Variants in MGAT5 observed in about 807,000 individuals in gnomAD.
MGAT5 encodes alpha-1,6-mannosylglycoprotein 6-beta-N-acetylglucosaminyltransferase, also known as alpha-1,6-mannosylglycoprotein 6-beta-N-acetylglucosaminyltransferase A.
Under a neutral mutation model 94.3 loss-of-function variants are expected in MGAT5, and 30 were observed. That is an observed-to-expected ratio of 0.32 (90% CI 0.24 to 0.43). The LOEUF is 0.43. Ranked by LOEUF, MGAT5 falls within the 20% of genes least tolerant of loss-of-function variation. The probability of loss-of-function intolerance (pLI) is 1.00; values close to 1 mark genes in which losing one functional copy is unlikely to be tolerated. For synonymous variants in MGAT5, 310 were observed against 322.9 expected, an observed-to-expected ratio of 0.96 and a Z score of 0.43; for missense variants, 691 against 905.5, an observed-to-expected ratio of 0.76 and a Z score of 3.04.
chr2:134,171,826 A>C (rs1451017794), intron 1 of MGAT5, among the ~76,000 whole-genome samples: 4 of 152,204 alleles, frequency 2.6e-5, no homozygotes, highest in Non-Finnish European at 4.4e-5. Flanking sequence ...CACCTGGGCT[A>C]AGCAGAGAGC....
intron 15 of MGAT5, among the ~76,000 whole-genome samples, chr2:134,442,151 G>T (rs941620010): frequency 3.3e-5 from 5 of 152,188 alleles, no homozygotes; most frequent in African/African-American, 1.2e-4. Flanking sequence ...ATTTAAATGG[G>T]AGTGTTGTAT....
chr2:134,305,313 C>G (rs1288840130), intron 2 of MGAT5, among the ~76,000 whole-genome samples: 1 of 152,174 alleles, frequency 6.6e-6, no homozygotes, highest in Non-Finnish European at 1.5e-5. Flanking sequence ...TCCGCCTTGC[C>G]TCTAGATGTC....
At chr2:134,236,225 A>G (rs1681631846) in intron 1 of MGAT5, among the ~76,000 whole-genome samples, 1 of 152,190 alleles carries the variant, frequency 6.6e-6, no homozygotes, top group Non-Finnish European at 1.5e-5. Flanking sequence ...TGGAGCTTGC[A>G]GGCAGTGGTT....
intron 10 of MGAT5, among the ~76,000 whole-genome samples, chr2:134,374,353 A>T (rs1362928215): frequency 6.6e-6 from 1 of 152,202 alleles, no homozygotes; most frequent in Non-Finnish European, 1.5e-5. Flanking sequence ...AACCTTCTAC[A>T]TCAGTGCAGA....
intron 7 of MGAT5, among the ~76,000 whole-genome samples, chr2:134,343,033 A>G (rs1371913476): frequency 6.6e-6 from 1 of 152,182 alleles, no homozygotes; most frequent in African/African-American, 2.4e-5. Context: ...CCTAGCAAGT[A>G]ATGAGTACTC....
chr2:134,130,417 GGCA>G (rs1347817003), intron 1 of MGAT5, among the ~76,000 whole-genome samples: 2 of 152,260 alleles, frequency 1.3e-5, no homozygotes, highest in East Asian at 3.8e-4. Context: ...GGGATTGGTG[GGCA>G]GCTCTGCCTG....
At chr2:134,422,570 A>C (rs1406050535) in intron 12 of MGAT5, among the ~76,000 whole-genome samples, 1 of 152,166 alleles carries the variant, frequency 6.6e-6, no homozygotes, top group South Asian at 2.1e-4. Context: ...CTCCTGTAGC[A>C]GCTTCCTTGT....
At chr2:134,203,728 TAAAAAA>T (rs1237252473) in intron 1 of MGAT5, among the ~76,000 whole-genome samples, 1 of 152,132 alleles carries the variant, frequency 6.6e-6, no homozygotes, top group Non-Finnish European at 1.5e-5. Context: ...CCATTTAAAA[TAAAAAA>T]TTATATTTTC....
chr2:134,134,256 G>A (rs534570969), intron 1 of MGAT5, among the ~76,000 whole-genome samples: 3 of 152,272 alleles, frequency 2.0e-5, no homozygotes, highest in Non-Finnish European at 4.4e-5. Flanking sequence ...GTCCTTCTAG[G>A]TGGTTGGATG....
chr2:134,427,694 C>G (rs956225808), intron 13 of MGAT5, among the ~76,000 whole-genome samples: 6 of 152,332 alleles, frequency 3.9e-5, no homozygotes, highest in African/African-American at 1.4e-4. Flanking sequence ...GCCTGCTAGA[C>G]TCAGCCTGCC....
intron 10 of MGAT5, among the ~76,000 whole-genome samples, chr2:134,396,204 C>T (rs1682696069): frequency 6.6e-6 from 1 of 152,146 alleles, no homozygotes; most frequent in African/African-American, 2.4e-5. Context: ...ACAAGGACCA[C>T]CCCATACATA....
chr2:134,187,018 AG>A (rs565216822), intron 1 of MGAT5, among the ~76,000 whole-genome samples: 49 of 152,278 alleles, frequency 3.2e-4, no homozygotes, highest in African/African-American at 1.2e-3. Context: ...AGGTGAAGAA[AG>A]TTCCGTGAGG....
intron 1 of MGAT5, among the ~76,000 whole-genome samples, chr2:134,134,016 A>G (rs983417804): frequency 6.6e-6 from 1 of 152,202 alleles, no homozygotes; most frequent in South Asian, 2.1e-4. Context: ...TTAGGACCCC[A>G]ATATCAGAAA....
Position 134,448,953 on chromosome 2 carries a change from T to C in MGAT5, c.*106T>C. 1 of 1,229,620 alleles carries C rather than the reference T, an allele frequency of 8.1e-7. No homozygotes were observed. The highest frequency in any genetic ancestry group is 1.1e-6 in the Non-Finnish European group (1 of 880,492). The allele number at this position is 1,229,620 out of a possible 1,614,324, so 76.2% of individuals were successfully genotyped here. A position where few individuals can be genotyped will look rare whatever the true frequency, so the allele number is the denominator to read the frequency against. On this transcript the variant is annotated 3_prime_UTR_variant, in exon 16 of 16. Transcript: ENST00000281923. ...TCATGCAGGGACTCTGGCAAGAGCC[T>C]GAACTTTTTCGTAGAAGGTTCTGAA...
At chr2:134,258,853 G>A (rs764100969) in intron 1 of MGAT5, among the ~76,000 whole-genome samples, 1 of 152,236 alleles carries the variant, frequency 6.6e-6, no homozygotes. Flanking sequence ...CTGCTTTAAA[G>A]TGGGGTGTCA....
chr2:134,353,735 C>T (rs1351184704), intron 9 of MGAT5, among the ~76,000 whole-genome samples: 1 of 152,148 alleles, frequency 6.6e-6, no homozygotes, highest in Non-Finnish European at 1.5e-5. Context: ...CAGTCATCAT[C>T]AGTGGTCGCT....
intron 9 of MGAT5, among the ~76,000 whole-genome samples, chr2:134,357,009 C>A (rs1371198986): frequency 2.0e-5 from 3 of 152,048 alleles, no homozygotes; most frequent in Non-Finnish European, 4.4e-5. Flanking sequence ...TTTTCTTTTT[C>A]CTTCCCTGGA....
At chr2:134,237,971 C>A (rs548750161) in intron 1 of MGAT5, among the ~76,000 whole-genome samples, 26 of 152,138 alleles carry the variant, frequency 1.7e-4, no homozygotes, top group Non-Finnish European at 2.6e-4. Context: ...GGCTGATCTC[C>A]AACTCCTGAC....
intron 8 of MGAT5, among the ~76,000 whole-genome samples, chr2:134,347,599 A>T (rs1486819389): frequency 6.6e-6 from 1 of 152,248 alleles, no homozygotes; most frequent in South Asian, 2.1e-4. Context: ...AAGGAAAAAG[A>T]TAACAATACA....
Sources: gnomAD v4.1 joint callset for allele counts (sites outside exome capture counted in the v4.1 genomes callset) on GRCh38, gnomAD v4.1.1 for gene constraint, MANE v1.5 for transcripts, NCBI Gene and HGNC (gene_info 2026-07-23, HGNC 2026-07-21) for gene names.